FAT3: variants seen among roughly 807,000 people sequenced by gnomAD.
FAT3 encodes the protein protocadherin Fat 3.
A neutral mutation model predicts 310.2 loss-of-function variants in FAT3; 95 were observed. The observed-to-expected ratio is 0.31, with a 90% CI of 0.26 to 0.36. The LOEUF (loss-of-function observed/expected upper bound fraction) is 0.36, where lower values mean the gene tolerates loss of function less well. FAT3 is among the 10% of genes least tolerant of loss of function. The pLI, the probability that FAT3 is intolerant of heterozygous loss-of-function variation, is 1.00. For missense variants in FAT3, 5,408 were observed against 5,715.6 expected, an observed-to-expected ratio of 0.95 and a Z score of 1.74; for synonymous variants, 2,314 against 2,192.9, an observed-to-expected ratio of 1.06 and a Z score of -1.54.
intron 1 of FAT3, among the ~76,000 whole-genome samples, chr11:92,250,635 A>G (rs776632547): frequency 7.9e-5 from 12 of 152,164 alleles, no homozygotes; most frequent in Non-Finnish European, 1.8e-4. Context: ...GCAAAACTGC[A>G]TTCAAGAATG....
intron 7 of FAT3, among the ~76,000 whole-genome samples, chr11:92,788,526 ATAGAAT>A (rs1308937875): frequency 6.6e-6 from 1 of 152,156 alleles, no homozygotes; most frequent in African/African-American, 2.4e-5. Flanking sequence ...GAAGAAAATA[ATAGAAT>A]TAGAACATTA....
chr11:92,783,692 T>C (rs182351434), intron 7 of FAT3, among the ~76,000 whole-genome samples: 74 of 152,142 alleles, frequency 4.9e-4, no homozygotes, highest in Non-Finnish European at 8.1e-4. Flanking sequence ...TTGTCCCAGC[T>C]ACTTGGGAGG....
chr11:92,586,749 A>G (rs1939177242), intron 3 of FAT3, among the ~76,000 whole-genome samples: 1 of 151,994 alleles, frequency 6.6e-6, no homozygotes, highest in Non-Finnish European at 1.5e-5. Flanking sequence ...GAGTCTGAAT[A>G]ATGGTAATAT....
intron 11 of FAT3, among the ~76,000 whole-genome samples, chr11:92,805,860 C>T (rs1387366374): frequency 3.3e-5 from 5 of 152,178 alleles, no homozygotes. Flanking sequence ...GAAATTAAAT[C>T]ACTATTTATT....
intron 4 of FAT3, among the ~76,000 whole-genome samples, chr11:92,711,221 C>A (rs1944510851): frequency 6.6e-6 from 1 of 151,984 alleles, no homozygotes; most frequent in Admixed American, 6.6e-5. Context: ...GTGAAGAAAT[C>A]TAATAAATAC....
intron 1 of FAT3, among the ~76,000 whole-genome samples, chr11:92,231,823 A>G (rs1051012857): frequency 4.0e-5 from 6 of 150,094 alleles, no homozygotes; most frequent in African/African-American, 7.3e-5. Flanking sequence ...TTTTTGTCAG[A>G]TAAATTCTAT....
At chr11:92,488,450 G>GCCGCC (rs1467231982) in intron 2 of FAT3, among the ~76,000 whole-genome samples, 1 of 9,334 alleles carries the variant, frequency 1.1e-4, no homozygotes, top group African/African-American at 1.9e-4. Context: ...AACTAGCACC[G>GCCGCC]CCCCCCCCCC....
intron 2 of FAT3, among the ~76,000 whole-genome samples, chr11:92,518,769 T>C (rs1293722895): frequency 6.6e-6 from 1 of 152,114 alleles, no homozygotes; most frequent in African/African-American, 2.4e-5. Flanking sequence ...ATTAAACAAT[T>C]GACATTAAAA....
intron 1 of FAT3, among the ~76,000 whole-genome samples, chr11:92,286,807 G>T (rs920365259): frequency 2.0e-5 from 3 of 152,146 alleles, no homozygotes; most frequent in African/African-American, 7.2e-5. Context: ...ACTGCATTAG[G>T]TGTGTAGCCT....
chr11:92,799,165 A>C lies in FAT3; in HGVS notation c.6152A>C (p.Glu2051Ala). 6.2e-7 allele frequency: 1 copy of C among 1,613,940 alleles called. No homozygotes were observed. The change falls in exon 10 of 28, where the codon GAG becomes GCG. Residue 2051 changes from glutamate to alanine, a missense_variant. This residue lies in a region of FAT3 where 4,588 missense variants were observed against 4,809.8 expected (regional missense o/e 0.95). Coordinates refer to ENST00000525166, the MANE Select transcript of FAT3 (RefSeq NM_001367949.2). ...GACCGTGAAGAACAAGAGTTATATGAGCTGGTGGTAGAAGCCAGCCGTGAG... is the reference window on the plus strand; with the variant it reads ...GACCGTGAAGAACAAGAGTTATATGCGCTGGTGGTAGAAGCCAGCCGTGAG... ...PFDREEQELY[E>A]LVVEASRELD...
intron 1 of FAT3, among the ~76,000 whole-genome samples, chr11:92,225,961 G>T (rs553490209): frequency 2.1e-4 from 13 of 61,884 alleles, no homozygotes; most frequent in African/African-American, 7.0e-4. Flanking sequence ...AAGCAGCGCG[G>T]GTCTGACCAT....
chr11:92,533,650 T>C (rs941561082), intron 3 of FAT3, among the ~76,000 whole-genome samples: 15 of 152,028 alleles, frequency 9.9e-5, no homozygotes, highest in African/African-American at 3.6e-4. Context: ...ATAAGAGAAA[T>C]GATGCTCTTG....
intron 4 of FAT3, among the ~76,000 whole-genome samples, chr11:92,732,003 T>C (rs1335596848): frequency 6.6e-6 from 1 of 152,206 alleles, no homozygotes; most frequent in East Asian, 1.9e-4. Context: ...TTGCCTATAG[T>C]CTCCTGTCAC....
At chr11:92,244,430 C>G (rs1341973412) in intron 1 of FAT3, among the ~76,000 whole-genome samples, 1 of 152,126 alleles carries the variant, frequency 6.6e-6, no homozygotes, top group East Asian at 1.9e-4. Context: ...TTGCACAGAT[C>G]ACAGCTTACC....
At chr11:92,596,790 G>A (rs576436884) in intron 3 of FAT3, among the ~76,000 whole-genome samples, 1 of 152,274 alleles carries the variant, frequency 6.6e-6, no homozygotes, top group East Asian at 1.9e-4. Context: ...TAAGGCCAAT[G>A]GAATTCTGGT....
chr11:92,556,588 A>G (rs1045784264), intron 3 of FAT3, among the ~76,000 whole-genome samples: 5 of 152,248 alleles, frequency 3.3e-5, no homozygotes, highest in African/African-American at 1.2e-4. Flanking sequence ...TGATATCAGA[A>G]ATATCTGTGA....
chr11:92,790,103 G>A lies in FAT3; in HGVS notation c.4496G>A (p.Ser1499Asn), dbSNP rs780771978. 1 of 1,613,818 alleles carries A rather than the reference G, an allele frequency of 6.2e-7. No homozygotes were observed. Among genetic ancestry groups the A allele is most frequent in the Non-Finnish European group, 8.5e-7 (1 of 1,179,750 alleles). Residue 1499 changes from serine (S) to asparagine (N), a missense_variant, in exon 8 of 28, where the codon AGC becomes AAC. Ser to Asn is a conservative substitution (Grantham distance 46). Transcript: ENST00000525166. ...EKHKLSYTVH[S>N]SIDSISMRKF... ...CACAAGCTGAGCTACACTGTTCATA[G>A]CAGCATCGACTCCATCAGCATGAGA... is the stretch of plus-strand genomic sequence containing the variant.
chr11:92,616,722 T>A (rs1035583820), intron 3 of FAT3, among the ~76,000 whole-genome samples: 4 of 152,194 alleles, frequency 2.6e-5, no homozygotes, highest in Non-Finnish European at 5.9e-5. Context: ...ATTTTATTTC[T>A]CCTTCACTTG....
chr11:92,711,195 A>C (rs550061083), intron 4 of FAT3, among the ~76,000 whole-genome samples: 2 of 152,306 alleles, frequency 1.3e-5, no homozygotes, highest in East Asian at 1.9e-4. Flanking sequence ...ATTTCATATA[A>C]TCCTACATAA....
Sources: gnomAD v4.1 joint callset for allele counts (sites outside exome capture counted in the v4.1 genomes callset) on GRCh38, gnomAD v4.1.1 for gene constraint, gnomAD v4.1.1 regional missense constraint, MANE v1.5 for transcripts, NCBI Gene and HGNC (gene_info 2026-07-23, HGNC 2026-07-21) for gene names.